The following IL9 variants were observed in gnomAD, a reference collection of about 807,000 sequenced individuals.
IL9 encodes the protein interleukin-9.
IL9 carries 16 observed loss-of-function variants against 12.9 expected under a neutral mutation model. The ratio of observed to expected loss-of-function variants is 1.24; its 90% CI spans 0.84 to 1.88. The LOEUF (loss-of-function observed/expected upper bound fraction) is 1.88, where lower values mean the gene tolerates loss of function less well. Ranked by LOEUF, IL9 falls within the 40% of genes most tolerant of loss-of-function variation. The pLI, the probability that IL9 is intolerant of heterozygous loss-of-function variation, is 0.00. For synonymous variants in IL9, 69 were observed against 63.8 expected, an observed-to-expected ratio of 1.08 and a Z score of -0.39; for missense variants, 170 against 173.1, an observed-to-expected ratio of 0.98 and a Z score of 0.10.
intron 3 of IL9, among the ~76,000 whole-genome samples, chr5:135,894,762 C>A (rs935102602): frequency 6.6e-6 from 1 of 152,234 alleles, no homozygotes; most frequent in African/African-American, 2.4e-5. Context: ...GTGCCTCCTC[C>A]TCACCCTAAC....
In IL9 at chr5:135,895,827, G is replaced by T. The variant is rs1255113276; in HGVS notation, c.-11C>A. ...CATGGCCAGAAGCATCTTGACAGCGGACTGGAGCTCGCTTGCAGACACCTT... is the reference window on the plus strand; with the variant it reads ...CATGGCCAGAAGCATCTTGACAGCGTACTGGAGCTCGCTTGCAGACACCTT... On this transcript the variant is annotated 5_prime_UTR_variant, in exon 1 of 5. Coordinates refer to ENST00000274520, the MANE Select transcript of IL9 (RefSeq NM_000590.2). The T allele has an allele frequency of 2.5e-6, 4 of 1,583,530 alleles. No individual in the cohort carries two copies. The highest frequency in any genetic ancestry group is 3.5e-6 in the Non-Finnish European group (4 of 1,153,914).
chr5:135,892,592 C>T, intron 4 of IL9, 82 bp from the exon 5 acceptor site: 1 of 1,470,072 alleles, frequency 6.8e-7, no homozygotes, highest in South Asian at 1.4e-5. Context: ...CTGCCAAGAG[C>T]CAGAGTCGGT....
At chr5:135,895,209 A>G (rs1319437676) in intron 3 of IL9, among the ~76,000 whole-genome samples, 1 of 152,194 alleles carries the variant, frequency 6.6e-6, no homozygotes, top group Non-Finnish European at 1.5e-5. Context: ...ACTTCTCAAG[A>G]GGCATAAAGT....
chr5:135,893,908 C>T (rs1171193057), intron 4 of IL9, 112 bp downstream of exon 4: 3 of 821,698 alleles, frequency 3.7e-6, no homozygotes, highest in Non-Finnish European at 3.7e-6. Flanking sequence ...CTTTTATCAA[C>T]CTTGAACTAC....
chr5:135,892,409 C>G lies in IL9; in HGVS notation c.417G>C (p.Gly139=), dbSNP rs1269361014. ...TTCATCTTCATATCTTGCCTCTCATCCCTCTCATCTTTTCTTTCTGGAAAA... is the reference window on the plus strand; with the variant it reads ...TTCATCTTCATATCTTGCCTCTCATGCCTCTCATCTTTTCTTTCTGGAAAA... ...LEIFQKEKMR[G]MRGKI is the part of the protein sequence containing the mutation. Residue 139 remains glycine, a synonymous_variant, in exon 5 of 5, where the codon GGG becomes GGC. Coordinates refer to ENST00000274520, the MANE Select transcript of IL9 (RefSeq NM_000590.2). 4 of 1,604,364 alleles carry G rather than the reference C, an allele frequency of 2.5e-6. No individual in the cohort carries two copies. In the African/African-American group the frequency reaches 5.4e-5, roughly 22 times the overall value.
At position 135,894,099 on chromosome 5, in the gene IL9, G is replaced by T. The variant is rs1561571074; in HGVS notation, c.236C>A (p.Thr79Asn). The change falls in exon 4 of 5, where the codon ACC becomes AAC. Residue 79 changes from threonine (T) to asparagine (N), a missense_variant. Coordinates refer to ENST00000274520, the MANE Select transcript of IL9 (RefSeq NM_000590.2). ...CAGTGGGTATCTTGTTTGCATGGTG[G>T]TATTGGTCATCTGAGACAGTCTCTC... ...FSERLSQMTN[T>N]TMQTRYPLIF... 1 of 1,613,320 alleles carries T rather than the reference G, an allele frequency of 6.2e-7. No homozygotes were observed.
Position 135,894,038 on chromosome 5 carries a change from T to C in IL9, c.297A>G (p.Leu99=), listed in dbSNP as rs144819897. 109 of 1,612,648 alleles carry C rather than the reference T, an allele frequency of 6.8e-5. No individual in the cohort carries two copies. In the African/African-American group the frequency reaches 1.4e-3, roughly 20 times the overall value. ...FSRVKKSVEV[L]KNNKCPYFSC... ...AACTTACTGGACACTTGTTGTTCTT[T>C]AGTACTTCAACTGATTTTTTCACCC... Residue 99 remains leucine (L), a synonymous_variant, in exon 4 of 5, where the codon CTA becomes CTG. Transcript: ENST00000274520.
chr5:135,895,524 T>C, intron 2 of IL9, 31 bp downstream of exon 2: 3 of 1,613,724 alleles, frequency 1.9e-6, no homozygotes, highest in Non-Finnish European at 2.5e-6. Flanking sequence ...TTAAAATTAA[T>C]TTGGAAAGTT....
intron 1 of IL9, 34 bp from the exon 2 acceptor site, chr5:135,895,624 A>G: frequency 6.2e-7 from 1 of 1,613,590 alleles, no homozygotes; most frequent in Non-Finnish European, 8.5e-7. Flanking sequence ...ACCTTTAGTC[A>G]GCCCCGAGTT....
Position 135,894,021 on chromosome 5 carries a change from G to A in IL9, c.314C>T (p.Pro105Leu), listed in dbSNP as rs964849774. ...SVEVLKNNKC[P>L]YFSCEQPCNQ... ...TATCACATATGAAAACAAACTTACTGGACACTTGTTGTTCTTTAGTACTTC... is the reference window on the plus strand; with the variant it reads ...TATCACATATGAAAACAAACTTACTAGACACTTGTTGTTCTTTAGTACTTC... Residue 105 changes from proline (P) to leucine (L), a missense_variant and splice_region_variant, in exon 4 of 5, where the codon CCA becomes CTA. By Grantham distance (98) the Pro-to-Leu change is moderately conservative (BLOSUM62 -3). Coordinates refer to ENST00000274520, the MANE Select transcript of IL9 (RefSeq NM_000590.2). 1 of 1,609,850 alleles carries A rather than the reference G, an allele frequency of 6.2e-7. No individual in the cohort carries two copies. The highest frequency in any genetic ancestry group is 8.5e-7 in the Non-Finnish European group (1 of 1,178,998).
rs768479610 is a variant in IL9 at position 135,895,770 on chromosome 5, A to G, written c.47T>C (p.Val16Ala). ...VLTSALLLCS[V>A]AGQGCPTLAG... ...CAAGGTTGGACACCCCTGGCCTGCC[A>G]CGGAGCACAGGAGCAGGGCAGAGGT... is the stretch of plus-strand genomic sequence containing the variant. Residue 16 changes from valine to alanine, a missense_variant, in exon 1 of 5, where the codon GTG (valine) becomes GCG (alanine). Coordinates refer to ENST00000274520, the MANE Select transcript of IL9 (RefSeq NM_000590.2). The G allele has an allele frequency of 1.1e-4, 176 of 1,614,022 alleles. No homozygotes were observed. The highest frequency in any genetic ancestry group is 3.6e-5 in the Non-Finnish European group (43 of 1,180,024).
Position 135,892,387 on chromosome 5 carries a change from A to T in IL9, c.*4T>A, listed in dbSNP as rs764277805. On this transcript the variant is annotated 3_prime_UTR_variant, in exon 5 of 5. Coordinates refer to ENST00000274520, the MANE Select transcript of IL9 (RefSeq NM_000590.2). ...TAATAAATAGGATAAATAATATTTC[A>T]TCTTCATATCTTGCCTCTCATCCCT... The T allele has an allele frequency of 6.3e-6, 10 of 1,578,532 alleles. No individual in the cohort carries two copies. The highest frequency in any genetic ancestry group is 1.4e-5 in the African/African-American group (1 of 73,216).
chr5:135,892,474 C>T lies in IL9; in HGVS notation c.352G>A (p.Ala118Thr), dbSNP rs1181003301. 6.2e-7 allele frequency: 1 copy of T among 1,613,286 alleles called. No homozygotes were observed. Among genetic ancestry groups the T allele is most frequent in the Non-Finnish European group, 8.5e-7 (1 of 1,179,724 alleles). ...TTCAGAAATGTCAGCGCGTTGCCTG[C>T]CGTGGTTTGGTTGCATGGCTGTTCA... ...SCEQPCNQTT[A>T]GNALTFLKSL... Residue 118 changes from alanine (A) to threonine (T), a missense_variant, in exon 5 of 5, where the codon GCA (alanine) becomes ACA (threonine). By Grantham distance (58) the Ala-to-Thr change is moderately conservative (BLOSUM62 0). Transcript: ENST00000274520.
chr5:135,892,536 CAG>C (rs1366570558), intron 4 of IL9, 26 bp from the exon 5 acceptor site: 3 of 1,595,950 alleles, frequency 1.9e-6, no homozygotes, highest in Non-Finnish European at 2.6e-6. Context: ...TTGATAAGGA[CAG>C]AGTGACTCAA....
intron 1 of IL9, 44 bp downstream of exon 1, chr5:135,895,659 T>C (rs751170097): frequency 1.2e-5 from 19 of 1,606,214 alleles, no homozygotes; most frequent in Non-Finnish European, 1.4e-5. Flanking sequence ...CATATTTCAC[T>C]TTGTCAGTAG....
intron 4 of IL9, among the ~76,000 whole-genome samples, chr5:135,893,301 C>T (rs1404970176): frequency 6.6e-6 from 1 of 152,150 alleles, no homozygotes; most frequent in Admixed American, 6.6e-5. Context: ...GACCTGGGTG[C>T]ATTGCCCTTT....
At chr5:135,893,214 C>T (rs1215123103) in intron 4 of IL9, among the ~76,000 whole-genome samples, 1 of 152,218 alleles carries the variant, frequency 6.6e-6, no homozygotes, top group Non-Finnish European at 1.5e-5. Flanking sequence ...TCCCAGTCTG[C>T]TGTCAGGGAC....
In IL9 at chr5:135,895,544, C is replaced by G. The variant is rs759613732; in HGVS notation, c.150+11G>C. ...ATTAATTTGGAAAGTTCTTAAAGAG[C>G]ATTCACTCACATTAGCACTGCAGTG... On this transcript the variant is annotated intron_variant, in intron 2 of 4. Transcript: ENST00000274520. 10 of 1,613,610 alleles carry G rather than the reference C, an allele frequency of 6.2e-6. No homozygotes were observed. In the African/African-American group the frequency reaches 1.2e-4, roughly 19 times the overall value.
At chr5:135,895,134 G>A (rs1581082245) in intron 3 of IL9, among the ~76,000 whole-genome samples, 1 of 152,096 alleles carries the variant, frequency 6.6e-6, no homozygotes, top group East Asian at 1.9e-4. Flanking sequence ...TTATTTAATT[G>A]TGCACATGGC....
Sources: allele counts gnomAD v4.1 joint callset (sites outside exome capture counted in the v4.1 genomes callset), GRCh38; gene constraint gnomAD v4.1.1; transcripts MANE v1.5; gene names NCBI Gene and HGNC (gene_info 2026-07-23, HGNC 2026-07-21).